The following PTPRN2 variants were observed in gnomAD, a reference collection of about 807,000 sequenced individuals.
The protein encoded by PTPRN2 is receptor-type tyrosine-protein phosphatase N2.
Under a neutral mutation model 118.8 loss-of-function variants are expected in PTPRN2, and 74 were observed. The observed-to-expected ratio is 0.62, with a 90% CI of 0.52 to 0.76. The LOEUF is 0.76. Among genes scored for constraint, PTPRN2 ranks in the 30% least tolerant of loss-of-function variants. PTPRN2 has a pLI of 0.00. For synonymous variants in PTPRN2, 641 were observed against 608.0 expected (o/e 1.05, Z -0.80); for missense variants, 1,481 against 1,394.4 (o/e 1.06, Z -0.99).
At chr7:157,716,133 G>C (rs1467756910) in intron 12 of PTPRN2, among the ~76,000 whole-genome samples, 1 of 152,260 alleles carries the variant, frequency 6.6e-6, no homozygotes, top group African/African-American at 2.4e-5. Flanking sequence ...GGGGGTGGGA[G>C]GTGGTGCCAG....
At chr7:158,146,891 C>G (rs887881747) in intron 6 of PTPRN2, among the ~76,000 whole-genome samples, 1 of 151,848 alleles carries the variant, frequency 6.6e-6, no homozygotes, top group East Asian at 1.9e-4. Context: ...GAAAATACAC[C>G]ATTAAGATCC....
chr7:157,671,738 A>G lies in PTPRN2; in HGVS notation c.2001+10987T>C, dbSNP rs1796427361. Among the ~76,000 whole-genome samples, 1 of 151,992 alleles carries G rather than the reference A, an allele frequency of 6.6e-6. No individual in the cohort carries two copies. The highest frequency in any genetic ancestry group is 1.5e-5 in the Non-Finnish European group (1 of 67,990). On this transcript the variant is annotated intron_variant, in intron 13 of 22. Coordinates refer to ENST00000389418, the MANE Select transcript of PTPRN2 (RefSeq NM_002847.5). This position sits in a 1 kb window ranked among gnomAD's most constrained non-coding sequence, Gnocchi z 4.1. ...GAACTGCACGTCGTTCTGGGGCCCAATTATTCTACCTAAAACTGATCTGAG... is the reference window on the plus strand; with the variant it reads ...GAACTGCACGTCGTTCTGGGGCCCAGTTATTCTACCTAAAACTGATCTGAG...
At chr7:158,323,111 T>C (rs1803176538) in intron 2 of PTPRN2, among the ~76,000 whole-genome samples, 2 of 152,192 alleles carry the variant, frequency 1.3e-5, no homozygotes, top group Non-Finnish European at 2.9e-5. Flanking sequence ...TGAGTCTTTT[T>C]CCAAAACAGG....
In PTPRN2 at chr7:157,896,888, T is replaced by C. The variant is rs557154567; in HGVS notation, c.1788+1785A>G. ...TGTGTCTGGACACCAGGCACCACAC[T>C]TGTCACCTCCCAGATGAACCCCAGA... is the stretch of plus-strand genomic sequence containing the variant. On this transcript the variant is annotated intron_variant, in intron 12 of 22. Coordinates refer to ENST00000389418, the MANE Select transcript of PTPRN2 (RefSeq NM_002847.5). Among the ~76,000 whole-genome samples the C allele has an allele frequency of 1.3e-4, 20 of 152,184 alleles. No homozygotes were observed. In the South Asian group the frequency reaches 3.9e-3, roughly 30 times the overall value.
intron 12 of PTPRN2, among the ~76,000 whole-genome samples, chr7:157,684,276 C>CT (rs916079465): frequency 2.0e-4 from 31 of 151,790 alleles, no homozygotes; most frequent in African/African-American, 6.5e-4. Flanking sequence ...ATTTTCCTGC[C>CT]TGGATGCGCG....
intron 2 of PTPRN2, among the ~76,000 whole-genome samples, chr7:158,340,314 A>G (rs1305866722): frequency 9.3e-5 from 8 of 85,880 alleles, no homozygotes; most frequent in African/African-American, 1.7e-4. Flanking sequence ...GCTGACACCC[A>G]CAGACATCAC....
At chr7:158,439,421 AT>A (rs934100892) in intron 2 of PTPRN2, among the ~76,000 whole-genome samples, 19 of 152,126 alleles carry the variant, frequency 1.2e-4, no homozygotes, top group Admixed American at 6.5e-4. Context: ...TGGTTTTTAT[AT>A]TTTTTTAAGG....
rs112346275 is a variant in PTPRN2 at position 158,376,706 on chromosome 7, G to A, written c.164-59774C>T. Among the ~76,000 whole-genome samples, 344 of 120,922 alleles carry A rather than the reference G, an allele frequency of 2.8e-3. 1 individual carries two copies. The highest frequency in any genetic ancestry group is 0.01 in the African/African-American group (289 of 28,590). 79.3% of individuals were successfully genotyped at this position (120,922 alleles called of 152,430 possible). Reference sequence around the variant, plus strand: ...CAGCCCTGTCACACGTCCTGCACGCGGGGTCAGGGGACTCTCCCACAGCCC... The same window carrying A: ...CAGCCCTGTCACACGTCCTGCACGCAGGGTCAGGGGACTCTCCCACAGCCC... On this transcript the variant is annotated intron_variant, in intron 2 of 22. Coordinates refer to ENST00000389418, the MANE Select transcript of PTPRN2 (RefSeq NM_002847.5).
intron 11 of PTPRN2, among the ~76,000 whole-genome samples, chr7:158,072,965 T>C (rs1216432372): frequency 1.3e-5 from 2 of 152,190 alleles, no homozygotes; most frequent in African/African-American, 4.8e-5. Flanking sequence ...GGAGAAACCC[T>C]CTGCCCTGCC....
chr7:157,645,721 C>T (rs1805025487), intron 14 of PTPRN2, among the ~76,000 whole-genome samples: 1 of 152,166 alleles, frequency 6.6e-6, no homozygotes, highest in Non-Finnish European at 1.5e-5. Context: ...ACCACATGAC[C>T]ACAGCAGCAC....
intron 12 of PTPRN2, among the ~76,000 whole-genome samples, chr7:157,781,926 G>A (rs1803703624): frequency 6.6e-6 from 1 of 152,214 alleles, no homozygotes; most frequent in Non-Finnish European, 1.5e-5. Flanking sequence ...TGCCCACACA[G>A]CAGCTTCAGG....
Position 158,125,563 on chromosome 7 carries a change from G to A in PTPRN2, c.1556+8114C>T, listed in dbSNP as rs111823135. On this transcript the variant is annotated intron_variant, in intron 9 of 22. Transcript: ENST00000389418. The stretch of plus-strand genomic sequence containing the variant: ...GCAACCGTGAACATGTTTACCCATC[G>A]GGGCTATAACCCCACACCACCTGAA... Among the ~76,000 whole-genome samples, 521 of 152,126 alleles carry A rather than the reference G, an allele frequency of 3.4e-3. 5 individuals carry two copies. Among genetic ancestry groups the A allele is most frequent in the African/African-American group, 0.012 (495 of 41,488 alleles).
At chr7:158,407,728 T>C in intron 2 of PTPRN2, among the ~76,000 whole-genome samples, 1 of 151,756 alleles carries the variant, frequency 6.6e-6, no homozygotes, top group East Asian at 1.9e-4. Context: ...GGTCCTGGAT[T>C]GAGACAGAAG....
At chr7:157,857,506 G>A (rs1310751856) in intron 12 of PTPRN2, 1 of 152,276 alleles carries the variant, frequency 6.6e-6, no homozygotes, top group Non-Finnish European at 1.5e-5. Flanking sequence ...TCTGTTTAGA[G>A]GGTGCCCGCC....
At chr7:157,662,538 G>C (rs1795942646) in intron 13 of PTPRN2, among the ~76,000 whole-genome samples, 1 of 152,218 alleles carries the variant, frequency 6.6e-6, no homozygotes, top group Admixed American at 6.5e-5. Flanking sequence ...GGGAGGAGGG[G>C]ACCCTCCCTG....
chr7:158,386,338 T>TGTACACCTCCTCCCTCCTCCC (rs1349844917), intron 2 of PTPRN2, among the ~76,000 whole-genome samples: 11 of 99,946 alleles, frequency 1.1e-4, no homozygotes, highest in Admixed American at 2.2e-4. Flanking sequence ...TCCCTCCTTC[T>TGTACACCTCCTCCCTCCTCCC]GTACCCCTCC....
At chr7:158,262,560 TA>T in intron 3 of PTPRN2, among the ~76,000 whole-genome samples, 1 of 105,842 alleles carries the variant, frequency 9.4e-6, no homozygotes. Flanking sequence ...CTGCACACAC[TA>T]CACACACATT....
chr7:158,062,259 C>A (rs1267501425), intron 11 of PTPRN2, among the ~76,000 whole-genome samples: 1 of 152,238 alleles, frequency 6.6e-6, no homozygotes, highest in African/African-American at 2.4e-5. Context: ...ACAGGTAAGT[C>A]AAGGCTATGG....
In PTPRN2 at chr7:157,619,468, C is replaced by T. The variant is rs1332072756; in HGVS notation, c.2344+1894G>A. Among the ~76,000 whole-genome samples the T allele has an allele frequency of 6.6e-6, 1 of 152,176 alleles. No individual in the cohort carries two copies. The highest frequency in any genetic ancestry group is 1.5e-5 in the Non-Finnish European group (1 of 68,026). ...CTCCTCTCTGAGGACAGTGGCCAGG[C>T]CCCCAGAGCCTGTTAGTAGCCCCCG... is the stretch of plus-strand genomic sequence containing the variant. On this transcript the variant is annotated intron_variant, in intron 15 of 22. Coordinates refer to ENST00000389418, the MANE Select transcript of PTPRN2 (RefSeq NM_002847.5). The surrounding 1 kb of genome is among the most constrained non-coding windows in gnomAD (Gnocchi z 5.3).
Sources: allele counts gnomAD v4.1 joint callset (sites outside exome capture counted in the v4.1 genomes callset), GRCh38; gene constraint gnomAD v4.1.1; non-coding constraint Gnocchi (gnomAD v3.1); transcripts MANE v1.5; gene names NCBI Gene and HGNC (gene_info 2026-07-23, HGNC 2026-07-21).